The following NHS variants were observed in gnomAD, a reference collection of about 807,000 sequenced individuals.
NHS encodes NHS actin remodeling regulator, also known as actin remodeling regulator NHS.
NHS carries 5 observed loss-of-function variants against 72.5 expected under a neutral mutation model. The ratio of observed to expected loss-of-function variants is 0.07; its 90% CI spans 0.04 to 0.14. The LOEUF is 0.14. Among genes scored for constraint, NHS ranks in the 10% least tolerant of loss-of-function variants. NHS has a pLI of 1.00. For synonymous variants in NHS, 464 were observed against 547.7 expected, an observed-to-expected ratio of 0.85 and a Z score of 2.13; for missense variants, 1,072 against 1,355.7, an observed-to-expected ratio of 0.79 and a Z score of 3.29.
chrX:17,696,074 G>A (rs1035889982), intron 3 of NHS, among the ~76,000 whole-genome samples: 9 of 111,456 alleles, frequency 8.1e-5, no homozygotes, highest in African/African-American at 2.0e-4. Context: ...CAAACGTCAC[G>A]AAATCAACAC....
chrX:17,427,189 G>A (rs959412534), intron 1 of NHS, among the ~76,000 whole-genome samples: 1 of 111,588 alleles, frequency 9.0e-6, no homozygotes, highest in Non-Finnish European at 1.9e-5. Flanking sequence ...AAGAGGTGTG[G>A]TGTGGGTTTT....
At chrX:17,599,002 A>G (rs1284167358) in intron 1 of NHS, among the ~76,000 whole-genome samples, 2 of 112,070 alleles carry the variant, frequency 1.8e-5, no homozygotes, top group Admixed American at 9.5e-5. Context: ...GTGGAATAAT[A>G]CAGCCTACTT....
At chrX:17,640,412 G>A (rs993934329) in intron 1 of NHS, among the ~76,000 whole-genome samples, 4 of 111,740 alleles carry the variant, frequency 3.6e-5, no homozygotes, top group African/African-American at 1.3e-4. Flanking sequence ...ATGGCAGAAA[G>A]GACATACAGA....
At chrX:17,468,197 CCA>C (rs1436774860) in intron 1 of NHS, among the ~76,000 whole-genome samples, 1 of 110,818 alleles carries the variant, frequency 9.0e-6, no homozygotes. Context: ...ATGCTATTTG[CCA>C]GTGTTAAAAA....
intron 1 of NHS, among the ~76,000 whole-genome samples, chrX:17,600,286 CAG>C (rs113777136): frequency 2.8e-3 from 278 of 100,519 alleles, no homozygotes; most frequent in Admixed American, 3.5e-3. Flanking sequence ...CAGAGAGAGA[CAG>C]AGAGAGAGAG....
chrX:17,399,792 G>A (rs1213910681), intron 1 of NHS, among the ~76,000 whole-genome samples: 2 of 111,910 alleles, frequency 1.8e-5, no homozygotes, highest in Non-Finnish European at 3.8e-5. Flanking sequence ...AGTGGTCATT[G>A]TTTTCTTTGT....
chrX:17,618,803 T>C (rs1297259075), intron 1 of NHS, among the ~76,000 whole-genome samples: 1 of 112,096 alleles, frequency 8.9e-6, no homozygotes, highest in Non-Finnish European at 1.9e-5. Flanking sequence ...AGGAAATGCT[T>C]TGACTAAAGT....
intron 1 of NHS, among the ~76,000 whole-genome samples, chrX:17,556,991 T>C (rs1421914549): frequency 1.8e-5 from 2 of 108,925 alleles, no homozygotes; most frequent in Non-Finnish European, 3.8e-5. Context: ...TATATATCTA[T>C]ATATATATAA....
At chrX:17,541,573 T>G (rs756005228) in intron 1 of NHS, among the ~76,000 whole-genome samples, 124 of 111,525 alleles carry the variant, frequency 1.1e-3, no homozygotes, top group Non-Finnish European at 1.7e-3. Flanking sequence ...TTATCACATG[T>G]TAATAAAATA....
chrX:17,683,271 T>C (rs1337674908), intron 1 of NHS, among the ~76,000 whole-genome samples: 1 of 112,290 alleles, frequency 8.9e-6, no homozygotes, highest in Non-Finnish European at 1.9e-5. Context: ...CTAGGCACTT[T>C]CTGGAAGAGT....
At position 17,507,551 on chromosome X, in the gene NHS, G is replaced by A. The variant is rs184104684; in HGVS notation, c.565+131229G>A. Among the ~76,000 whole-genome samples, 174 of 112,182 alleles carry A rather than the reference G, an allele frequency of 1.6e-3. 8 individuals are homozygous for A. The Admixed American group carries it at 0.016, about 10-fold the overall frequency. ...AAAATTTTGCCTCTGGGGATTCTCC[G>A]TGCTTCTTGCCAGAAAAGGTTTTCC... is the stretch of plus-strand genomic sequence containing the variant. On this transcript the variant is annotated intron_variant, in intron 1 of 8. Coordinates refer to ENST00000676302, the MANE Select transcript of NHS (RefSeq NM_001291867.2).
chrX:17,391,854 A>G (rs1174931017), intron 1 of NHS, among the ~76,000 whole-genome samples: 2 of 111,797 alleles, frequency 1.8e-5, no homozygotes, highest in Non-Finnish European at 3.8e-5. Context: ...GACTGTCTGT[A>G]TCTTTTCCTA....
At chrX:17,537,462 C>T (rs1030643669) in intron 1 of NHS, among the ~76,000 whole-genome samples, 6 of 112,707 alleles carry the variant, frequency 5.3e-5, no homozygotes, top group Non-Finnish European at 1.1e-4. Flanking sequence ...TAGCCTGCCC[C>T]AGGCAGAGAT....
chrX:17,629,182 C>T (rs1421698780), intron 1 of NHS, among the ~76,000 whole-genome samples: 1 of 112,287 alleles, frequency 8.9e-6, no homozygotes, highest in South Asian at 3.7e-4. Context: ...GGGAGATTGA[C>T]ATCTTGCAAT....
At chrX:17,477,282 G>A (rs954899396) in intron 1 of NHS, among the ~76,000 whole-genome samples, 2 of 111,826 alleles carry the variant, frequency 1.8e-5, no homozygotes, top group African/African-American at 3.2e-5. Flanking sequence ...AACGAGTCAT[G>A]TGGATATCTG....
At chrX:17,402,180 A>T (rs2064506012) in intron 1 of NHS, among the ~76,000 whole-genome samples, 1 of 111,991 alleles carries the variant, frequency 8.9e-6, no homozygotes, top group South Asian at 3.8e-4. Flanking sequence ...AAAAAGGCAG[A>T]CAATAGTAAG....
intron 1 of NHS, among the ~76,000 whole-genome samples, chrX:17,419,603 G>A (rs985077951): frequency 2.7e-5 from 3 of 110,610 alleles, no homozygotes; most frequent in African/African-American, 6.6e-5. Flanking sequence ...GTGCCCATGT[G>A]TGCATATATA....
At chrX:17,629,106 A>G (rs2065812794) in intron 1 of NHS, among the ~76,000 whole-genome samples, 1 of 112,188 alleles carries the variant, frequency 8.9e-6, no homozygotes, top group African/African-American at 3.2e-5. Flanking sequence ...GTGTGAAGGA[A>G]AAGAGAAAAC....
Position 17,521,366 on chromosome X carries a change from C to CTTTTTTTTTTTTTTTTTT in NHS, c.565+145057_565+145058insTTTTTTTTTTTTTTTTTT, listed in dbSNP as rs766662277. Among the ~76,000 whole-genome samples, 368 of 97,211 alleles carry CTTTTTTTTTTTTTTTTTT rather than the reference C, an allele frequency of 3.8e-3. 20 individuals carry two copies. The highest frequency in any genetic ancestry group is 0.015 in the African/African-American group (346 of 23,030). 84.4% of individuals were successfully genotyped at this position (97,211 alleles called of 115,157 possible). A position where few individuals can be genotyped will look rare whatever the true frequency, so the allele number is the denominator to read the frequency against. On this transcript the variant is annotated intron_variant, in intron 1 of 8. Coordinates refer to ENST00000676302, the MANE Select transcript of NHS (RefSeq NM_001291867.2). ...AGTTCTACCTTTTTCTCCCTTCCCT[C>CTTTTTTTTTTTTTTTTTT]TTTTTTTTTTTTTGAGACAGGGTCT...
Sources: gnomAD v4.1 joint callset for allele counts (sites outside exome capture counted in the v4.1 genomes callset) on GRCh38, gnomAD v4.1.1 for gene constraint, MANE v1.5 for transcripts, NCBI Gene and HGNC (gene_info 2026-07-23, HGNC 2026-07-21) for gene names.